The following PCDH15 variants were observed in gnomAD, a reference collection of about 807,000 sequenced individuals.
PCDH15 encodes the protein protocadherin-15.
Under a neutral mutation model 178.5 loss-of-function variants are expected in PCDH15, and 129 were observed. The ratio of observed to expected loss-of-function variants is 0.72; its 90% CI spans 0.63 to 0.84. The LOEUF is 0.84. Among genes scored for constraint, PCDH15 ranks in the 40% least tolerant of loss-of-function variants. PCDH15 has a pLI of 0.00. For missense variants in PCDH15, 2,230 were observed against 2,099.9 expected, an observed-to-expected ratio of 1.06 and a Z score of -1.21; for synonymous variants, 800 against 732.0, an observed-to-expected ratio of 1.09 and a Z score of -1.50.
At chr10:54,899,598 G>A (rs1954609103) in intron 2 of PCDH15, among the ~76,000 whole-genome samples, 1 of 151,798 alleles carries the variant, frequency 6.6e-6, no homozygotes, top group African/African-American at 2.4e-5. Context: ...CCGGGTTCAA[G>A]CAATTCTCCT....
intron 2 of PCDH15, among the ~76,000 whole-genome samples, chr10:55,151,397 G>A (rs973967459): frequency 6.6e-6 from 1 of 152,048 alleles, no homozygotes; most frequent in Admixed American, 6.6e-5. Context: ...TCTATTAAGT[G>A]ACTTTATATA....
chr10:53,962,254 G>A (rs941245985), intron 21 of PCDH15, among the ~76,000 whole-genome samples: 8 of 152,018 alleles, frequency 5.3e-5, no homozygotes, highest in African/African-American at 1.9e-4. Flanking sequence ...TTGTTGCCCA[G>A]GCTGGAGTGC....
intron 1 of PCDH15, among the ~76,000 whole-genome samples, chr10:54,761,718 CAAAACAAAACAAAA>C: frequency 2.8e-5 from 1 of 36,280 alleles, no homozygotes; most frequent in African/African-American, 7.9e-5. Context: ...CAAAACAAAA[CAAAACAAAACAAAA>C]CAGTTAAGGG....
intron 5 of PCDH15, among the ~76,000 whole-genome samples, chr10:54,350,161 A>G (rs766532348): frequency 6.6e-5 from 10 of 152,212 alleles, no homozygotes; most frequent in Non-Finnish European, 8.8e-5. Context: ...AAATTAAATG[A>G]AAAGCATTAG....
intron 2 of PCDH15, among the ~76,000 whole-genome samples, chr10:55,154,604 T>C (rs1838832208): frequency 6.6e-6 from 1 of 152,160 alleles, no homozygotes; most frequent in Admixed American, 6.6e-5. Flanking sequence ...AATAATACTA[T>C]GCTTCATGCC....
At position 55,431,180 on chromosome 10, in the gene PCDH15, A is replaced by C. The variant is rs1184327123; in HGVS notation, c.-156+196445T>G. The stretch of plus-strand genomic sequence containing the variant: ...GGATTCAATACAAAAAAGTATATAC[A>C]CAACAGCTTTAAGTAAATCAAAAAT... On this transcript the variant is annotated intron_variant, in intron 2 of 5. Coordinates refer to the PCDH15 transcript ENST00000613346. Among the ~76,000 whole-genome samples the C allele has an allele frequency of 3.3e-5, 5 of 152,320 alleles. No individual in the cohort carries two copies. The East Asian group carries it at 9.6e-4, about 29-fold the overall frequency.
chr10:54,191,266 T>C (rs1248274256), intron 11 of PCDH15, among the ~76,000 whole-genome samples: 2 of 152,140 alleles, frequency 1.3e-5, no homozygotes, highest in African/African-American at 4.8e-5. Flanking sequence ...AAGTTGGAAG[T>C]ATAGAATTAG....
At chr10:54,094,732 C>T (rs1382539922) in intron 15 of PCDH15, among the ~76,000 whole-genome samples, 1 of 152,140 alleles carries the variant, frequency 6.6e-6, no homozygotes, top group Non-Finnish European at 1.5e-5. Context: ...TAAAGCCAAT[C>T]TTTCCTTTAA....
At chr10:53,987,610 T>C (rs2134729325) in intron 21 of PCDH15, among the ~76,000 whole-genome samples, 1 of 151,662 alleles carries the variant, frequency 6.6e-6, no homozygotes, top group Non-Finnish European at 1.5e-5. Flanking sequence ...AAAAGGTGAG[T>C]CATAAATAAA....
At chr10:55,416,774 G>A (rs7076479) in intron 2 of PCDH15, among the ~76,000 whole-genome samples, 74,696 of 151,502 alleles carry the variant, frequency 0.49, 19,543 homozygotes, top group African/African-American at 0.6. Flanking sequence ...GTTTACTTGA[G>A]TTTCTGATAT....
intron 25 of PCDH15, among the ~76,000 whole-genome samples, chr10:53,925,086 C>G (rs564298784): frequency 6.6e-6 from 1 of 152,158 alleles, no homozygotes; most frequent in Non-Finnish European, 1.5e-5. Context: ...CAGACTGCCC[C>G]AGCTAGCTGT....
intron 1 of PCDH15, among the ~76,000 whole-genome samples, chr10:54,774,975 C>A (rs1196151758): frequency 1.3e-5 from 2 of 152,142 alleles, no homozygotes; most frequent in Admixed American, 1.3e-4. Context: ...TAATTCCACA[C>A]AAGCGTCACC....
rs528081071 is a variant in PCDH15 at position 54,220,542 on chromosome 10, G to A, written c.986-6494C>T. Among the ~76,000 whole-genome samples the A allele has an allele frequency of 9.2e-5, 14 of 152,284 alleles. No individual in the cohort carries two copies. In the East Asian group the frequency reaches 2.7e-3, roughly 29 times the overall value. On this transcript the variant is annotated intron_variant, in intron 9 of 37. Transcript: ENST00000644397. ...TCCTTACAGAATATCAACTCAACAAGAGTATAACTAGCAATTAAAAAATAC... is the reference window on the plus strand; with the variant it reads ...TCCTTACAGAATATCAACTCAACAAAAGTATAACTAGCAATTAAAAAATAC...
chr10:54,716,870 C>A lies in PCDH15; in HGVS notation c.-28-52580G>T, dbSNP rs1007263002. On this transcript the variant is annotated intron_variant, in intron 1 of 37. Coordinates refer to ENST00000644397, the MANE Select transcript of PCDH15 (RefSeq NM_001384140.1). ...CCTGACTTCAAACTATACTACAAGGCTACAGTAACCAAAACAGCATGGTAC... is the reference window on the plus strand; with the variant it reads ...CCTGACTTCAAACTATACTACAAGGATACAGTAACCAAAACAGCATGGTAC... Among the ~76,000 whole-genome samples, 64 of 148,212 alleles carry A rather than the reference C, an allele frequency of 4.3e-4. 1 individual carries two copies. Among genetic ancestry groups the A allele is most frequent in the South Asian group, 6.4e-4 (3 of 4,716 alleles).
intron 1 of PCDH15, among the ~76,000 whole-genome samples, chr10:55,272,361 T>C (rs1842467230): frequency 6.6e-6 from 1 of 150,418 alleles, no homozygotes. Context: ...CCTTATTTTA[T>C]TTTTATTTAT....
At chr10:55,395,194 TGTGAGA>T (rs1191282562) in intron 2 of PCDH15, among the ~76,000 whole-genome samples, 44 of 91,096 alleles carry the variant, frequency 4.8e-4, no homozygotes, top group East Asian at 1.5e-3. Flanking sequence ...TGTGTGTGTG[TGTGAGA>T]GAGAGAGAGA....
intron 2 of PCDH15, among the ~76,000 whole-genome samples, chr10:55,568,138 T>C (rs1281689388): frequency 6.6e-6 from 1 of 151,966 alleles, no homozygotes; most frequent in Non-Finnish European, 1.5e-5. Context: ...TAATAATAGC[T>C]AAAATTTAGA....
chr10:53,905,209 C>T (rs765688651), intron 25 of PCDH15: 1 of 518,836 alleles, frequency 1.9e-6, no homozygotes, highest in African/African-American at 1.9e-5. Flanking sequence ...GACTAAACGT[C>T]ATCTGCTCCC....
chr10:55,083,149 C>CAA (rs111471537), intron 2 of PCDH15, among the ~76,000 whole-genome samples: 2 of 144,648 alleles, frequency 1.4e-5, no homozygotes, highest in African/African-American at 2.5e-5. Context: ...AAAAAATTTG[C>CAA]AAAAAAAAAC....
Sources: gnomAD v4.1 joint callset for allele counts (sites outside exome capture counted in the v4.1 genomes callset) on GRCh38, gnomAD v4.1.1 for gene constraint, MANE v1.5 for transcripts, NCBI Gene and HGNC (gene_info 2026-07-23, HGNC 2026-07-21) for gene names.